HDAC2: variants seen among roughly 807,000 people sequenced by gnomAD.
The protein encoded by HDAC2 is YY1-associated factor 1.
A neutral mutation model predicts 68.5 loss-of-function variants in HDAC2; 5 were observed. The ratio of observed to expected loss-of-function variants is 0.07; its 90% CI spans 0.04 to 0.15. HDAC2 has a LOEUF of 0.15. Ranked by LOEUF, HDAC2 falls within the 10% of genes least tolerant of loss-of-function variation. The pLI, the probability that HDAC2 is intolerant of heterozygous loss-of-function variation, is 1.00. For missense variants in HDAC2, 291 were observed against 600.8 expected (o/e 0.48, Z 5.39); for synonymous variants, 182 against 191.3 (o/e 0.95, Z 0.40).
rs1277727162 is a variant in HDAC2, at chr6:113,951,675, G to A, written c.639+1602C>T. ...GTGGAGACGGGGTGTCACTGTGTTA[G>A]CCAGGATGGTCTCGATCTCCTGACC... On this transcript the variant is annotated intron_variant, in intron 6 of 13. Transcript: ENST00000519065. 2.6e-5 allele frequency among the ~76,000 whole-genome samples: 4 copies of A among 151,972 alleles called. No individual in the cohort carries two copies. In the East Asian group the frequency reaches 7.8e-4, roughly 29 times the overall value.
chr6:113,969,040 T>G (rs1186144301), intron 1 of HDAC2, among the ~76,000 whole-genome samples: 2 of 152,210 alleles, frequency 1.3e-5, no homozygotes, highest in Admixed American at 1.3e-4. Flanking sequence ...ATCTCTAAAC[T>G]TTAGAAACAA....
chr6:113,961,354 A>G (rs920538503), intron 1 of HDAC2, among the ~76,000 whole-genome samples: 4 of 152,186 alleles, frequency 2.6e-5, no homozygotes, highest in Non-Finnish European at 4.4e-5. Flanking sequence ...CCATGCTTCT[A>G]ATAACATAAA....
intron 1 of HDAC2, chr6:113,968,369 T>C (rs926214249): frequency 1.3e-5 from 2 of 152,202 alleles, no homozygotes; most frequent in East Asian, 3.8e-4. Flanking sequence ...CTCCTTTCCT[T>C]GCATTCTCTT....
intron 6 of HDAC2, among the ~76,000 whole-genome samples, 189 bp downstream of exon 6, chr6:113,953,088 G>A (rs1441840768): frequency 1.3e-5 from 2 of 152,160 alleles, no homozygotes; most frequent in African/African-American, 2.4e-5. Context: ...CTGTCCTTAA[G>A]TTTTCACTAA....
At chr6:113,970,284 C>G in intron 1 of HDAC2, 1 of 210,904 alleles carries the variant, frequency 4.7e-6, no homozygotes, top group Non-Finnish European at 8.2e-6. Context: ...AAAGGGTAAG[C>G]CGAGGAAGGA....
intron 10 of HDAC2, 76 bp from the exon 11 acceptor site, chr6:113,944,486 G>A: frequency 4.5e-6 from 6 of 1,322,072 alleles, no homozygotes; most frequent in East Asian, 2.4e-5. Flanking sequence ...AAAATATTTA[G>A]CAAAAAATTT....
Position 113,960,031 on chromosome 6 carries a change from A to G in HDAC2, c.53-13T>C, listed in dbSNP as rs1215483035. Reference sequence around the variant, plus strand: ...TTTCCAATATCACCTAAAATAGAAAAGACACAAACTAAACAATACAGACAA... The same window carrying G: ...TTTCCAATATCACCTAAAATAGAAAGGACACAAACTAAACAATACAGACAA... On this transcript the variant is annotated splice_polypyrimidine_tract_variant and intron_variant, in intron 1 of 13. Transcript: ENST00000519065. 1 of 1,220,754 alleles carries G rather than the reference A, an allele frequency of 8.2e-7. No individual in the cohort carries two copies. Among genetic ancestry groups the G allele is most frequent in the South Asian group, 1.2e-5 (1 of 83,036 alleles). The allele number at this position is 1,220,754 out of a possible 1,614,324, so 75.6% of individuals were successfully genotyped here.
chr6:113,934,989 G>T lies in HDAC2; in HGVS notation c.*6069C>A, dbSNP rs951589067. On this transcript the variant is annotated 3_prime_UTR_variant, in exon 14 of 14. Transcript: ENST00000519065. Reference sequence around the variant, plus strand: ...TTCTTATCAGATGCTGAGTTGAAAAGAACATACCTAGATTCTACGGAAATT... The same window carrying T: ...TTCTTATCAGATGCTGAGTTGAAAATAACATACCTAGATTCTACGGAAATT... The T allele has an allele frequency of 1.3e-5, 2 of 152,252 alleles. No homozygotes were observed. Among genetic ancestry groups the T allele is most frequent in the Non-Finnish European group, 2.9e-5 (2 of 68,006 alleles). 9.4% of individuals were successfully genotyped at this position (152,252 alleles called of 1,614,324 possible).
chr6:113,953,591 T>G (rs186028325), intron 5 of HDAC2, among the ~76,000 whole-genome samples, 173 bp from the exon 6 acceptor site: 5 of 152,366 alleles, frequency 3.3e-5, no homozygotes, highest in African/African-American at 1.2e-4. Context: ...CTCAGGCCTT[T>G]AAATACCCAC....
At chr6:113,955,165 CTTTTAA>C (rs1195802478) in intron 5 of HDAC2, among the ~76,000 whole-genome samples, 2 of 151,814 alleles carry the variant, frequency 1.3e-5, no homozygotes, top group African/African-American at 4.8e-5. Flanking sequence ...TGCCAAACTA[CTTTTAA>C]AAAAGGGTAT....
At chr6:113,970,615 AG>A (rs1317340856) in intron 1 of HDAC2, 190 of 1,323,048 alleles carry the variant, frequency 1.4e-4, no homozygotes, top group Non-Finnish European at 1.7e-4. Context: ...GCACGGCCGA[AG>A]GGGGAGAGGC....
At chr6:113,958,948 A>G (rs1471949253) in intron 2 of HDAC2, among the ~76,000 whole-genome samples, 182 bp from the exon 3 acceptor site, 3 of 152,114 alleles carry the variant, frequency 2.0e-5, no homozygotes, top group Non-Finnish European at 4.4e-5. Flanking sequence ...ATCAATCTCA[A>G]AACTAATTCA....
At chr6:113,970,736 C>G in intron 1 of HDAC2, 121 bp downstream of exon 1, 1 of 1,414,994 alleles carries the variant, frequency 7.1e-7, no homozygotes, top group Non-Finnish European at 9.1e-7. Flanking sequence ...GGTTAAGATG[C>G]GGCCAAATGT....
At chr6:113,946,912 T>C (rs1392494714) in intron 8 of HDAC2, 1 of 152,058 alleles carries the variant, frequency 6.6e-6, no homozygotes, top group Non-Finnish European at 1.5e-5. Context: ...AAAGGGACAA[T>C]GAAAAAACTA....
In HDAC2 at chr6:113,970,926, C is replaced by T. The variant is rs770686657; in HGVS notation, c.-18G>A. ...TACGCCATGGGCTCCCCGGCCACCG[C>T]CGCCACCGGGCTCCTCCTCCTGCTG... On this transcript the variant is annotated 5_prime_UTR_variant, in exon 1 of 14. Coordinates refer to ENST00000519065, the MANE Select transcript of HDAC2 (RefSeq NM_001527.4). 1 of 1,551,612 alleles carries T rather than the reference C, an allele frequency of 6.4e-7. No homozygotes were observed. The highest frequency in any genetic ancestry group is 8.7e-7 in the Non-Finnish European group (1 of 1,147,706).
At chr6:113,970,531 T>C in intron 1 of HDAC2, 1 of 1,180,520 alleles carries the variant, frequency 8.5e-7, no homozygotes, top group Non-Finnish European at 1.0e-6. Context: ...GGCCGCCCCC[T>C]TCGCCGCCGC....
In HDAC2 at chr6:113,958,984, C is replaced by T. The variant is rs1338705495; in HGVS notation, c.166-218G>A. 2.0e-5 allele frequency among the ~76,000 whole-genome samples: 3 copies of T among 152,102 alleles called. 1 individual carries two copies. Among genetic ancestry groups the T allele is most frequent in the African/African-American group, 7.2e-5 (3 of 41,440 alleles). ...AACTCCTTTAAAAGCATTACACAGG[C>T]ATATCAACTATGATTTAATCACTCC... On this transcript the variant is annotated intron_variant, in intron 2 of 13. Coordinates refer to ENST00000519065, the MANE Select transcript of HDAC2 (RefSeq NM_001527.4).
chr6:113,954,863 C>T (rs1297745435), intron 5 of HDAC2, among the ~76,000 whole-genome samples: 6 of 152,152 alleles, frequency 3.9e-5, no homozygotes, highest in African/African-American at 7.2e-5. Context: ...ACTAACATTG[C>T]GAACATCCAA....
chr6:113,958,641 A>G lies in HDAC2; in HGVS notation c.283+8T>C. On this transcript the variant is annotated splice_region_variant and intron_variant, in intron 3 of 13. Transcript: ENST00000519065. ...CAAAGCAAAACTACTTTTTACTTAG[A>G]AACGTACATCTCTGCATCTGCTTAC... The G allele has an allele frequency of 7.4e-7, 1 of 1,350,238 alleles. No individual in the cohort carries two copies. Among genetic ancestry groups the G allele is most frequent in the Middle Eastern group, 1.8e-4 (1 of 5,474 alleles). 83.6% of individuals were successfully genotyped at this position (1,350,238 alleles called of 1,614,324 possible).
Sources: allele counts gnomAD v4.1 joint callset (sites outside exome capture counted in the v4.1 genomes callset), GRCh38; gene constraint gnomAD v4.1.1; transcripts MANE v1.5; gene names NCBI Gene and HGNC (gene_info 2026-07-23, HGNC 2026-07-21).